Variants in ZNF536 observed in about 807,000 individuals in gnomAD.
ZNF536 encodes the protein zinc finger protein 536.
A neutral mutation model predicts 84.5 loss-of-function variants in ZNF536; 13 were observed. The ratio of observed to expected loss-of-function variants is 0.15; its 90% confidence interval spans 0.10 to 0.24. ZNF536 has a LOEUF of 0.24. ZNF536 is among the 10% of genes least tolerant of loss of function. The pLI, the probability that ZNF536 is intolerant of heterozygous loss-of-function variation, is 1.00. For synonymous variants in ZNF536, 811 were observed against 742.5 expected (o/e 1.09, Z -1.50); for missense variants, 1,536 against 1,747.5 (o/e 0.88, Z 2.16).
intron 1 of ZNF536, among the ~76,000 whole-genome samples, chr19:30,425,887 G>A (rs2051192679): frequency 6.6e-6 from 1 of 152,236 alleles, no homozygotes; most frequent in Admixed American, 6.5e-5. Context: ...GGATGTGAGT[G>A]TCCATGCAGG....
At chr19:30,227,593 C>T (rs1599797535), upstream of ZNF536, among the ~76,000 whole-genome samples, 1 of 151,884 alleles carries the variant, frequency 6.6e-6, no homozygotes, top group African/African-American at 2.4e-5. Context: ...CTGCGGGGCT[C>T]GGGCACCCGG....
chr19:30,388,261 G>A (rs373904081), intron 1 of ZNF536, among the ~76,000 whole-genome samples: 12 of 152,332 alleles, frequency 7.9e-5, no homozygotes, highest in Middle Eastern at 3.4e-3. Flanking sequence ...CAAAGTATCC[G>A]TATGGATTTC....
intron 1 of ZNF536, among the ~76,000 whole-genome samples, chr19:30,674,943 T>C (rs150506323): frequency 7.9e-5 from 12 of 152,246 alleles, no homozygotes; most frequent in Admixed American, 3.9e-4. Flanking sequence ...GCTCCACTGC[T>C]TACCTGCCCG....
intron 1 of ZNF536, among the ~76,000 whole-genome samples, chr19:30,664,377 C>T (rs980700849): frequency 1.6e-4 from 25 of 151,982 alleles, no homozygotes; most frequent in African/African-American, 3.9e-4. Context: ...GGCTGATGGA[C>T]GCTGATTTAG....
intron 1 of ZNF536, among the ~76,000 whole-genome samples, chr19:30,610,828 G>A (rs1335311426): frequency 6.6e-6 from 1 of 152,176 alleles, no homozygotes; most frequent in Non-Finnish European, 1.5e-5. Context: ...GCTGCTTCTA[G>A]CCATGAGAAG....
At chr19:30,240,263 C>T in intron 1 of ZNF536, among the ~76,000 whole-genome samples, 1 of 152,022 alleles carries the variant, frequency 6.6e-6, no homozygotes, top group Middle Eastern at 3.2e-3. Flanking sequence ...ATCCCAGCTA[C>T]TTGGGAGGCT....
intron 1 of ZNF536, among the ~76,000 whole-genome samples, chr19:30,683,522 A>T (rs1600254263): frequency 6.7e-6 from 1 of 150,166 alleles, no homozygotes; most frequent in African/African-American, 2.4e-5. Flanking sequence ...AGCCCACCTC[A>T]TCTGGGACTA....
intron 1 of ZNF536, among the ~76,000 whole-genome samples, chr19:30,570,187 C>T (rs2046494298): frequency 6.6e-6 from 1 of 152,232 alleles, no homozygotes; most frequent in South Asian, 2.1e-4. Flanking sequence ...GGTGACAAGG[C>T]AAGTGGCGTG....
intron 1 of ZNF536, among the ~76,000 whole-genome samples, chr19:30,415,576 G>C (rs1187141703): frequency 7.2e-6 from 1 of 139,308 alleles, no homozygotes; most frequent in African/African-American, 2.6e-5. Context: ...AAATCATCAT[G>C]ATCATCATCA....
chr19:30,326,623 C>T (rs965335846), intron 2 of ZNF536, among the ~76,000 whole-genome samples: 3 of 151,862 alleles, frequency 2.0e-5, no homozygotes, highest in Non-Finnish European at 2.9e-5. Context: ...GTATGTGAAG[C>T]GCCCAGCACA....
At chr19:30,515,477 T>A (rs1343218256) in intron 2 of ZNF536, among the ~76,000 whole-genome samples, 1 of 152,186 alleles carries the variant, frequency 6.6e-6, no homozygotes, top group Non-Finnish European at 1.5e-5. Flanking sequence ...GTGAAGCGCC[T>A]TCAGGATAAA....
At chr19:30,492,939 G>A (rs1345153052) in intron 2 of ZNF536, among the ~76,000 whole-genome samples, 1 of 152,084 alleles carries the variant, frequency 6.6e-6, no homozygotes, top group African/African-American at 2.4e-5. Context: ...ACATTTGCAA[G>A]ACACAAATAT....
At chr19:30,696,528 T>C (rs538913807) in intron 1 of ZNF536, among the ~76,000 whole-genome samples, 1 of 152,326 alleles carries the variant, frequency 6.6e-6, no homozygotes, top group Non-Finnish European at 1.5e-5. Flanking sequence ...AGGTCCCCGA[T>C]CAATAGTTGC....
At chr19:30,287,070 C>A (rs1012347158) in intron 2 of ZNF536, among the ~76,000 whole-genome samples, 1 of 152,178 alleles carries the variant, frequency 6.6e-6, no homozygotes, top group Non-Finnish European at 1.5e-5. Flanking sequence ...TCTCCTACTG[C>A]GACGTAAGAG....
At chr19:30,605,429 C>A (rs2047835792) in intron 1 of ZNF536, among the ~76,000 whole-genome samples, 1 of 152,096 alleles carries the variant, frequency 6.6e-6, no homozygotes, top group Admixed American at 6.5e-5. Flanking sequence ...TAACTGAGAA[C>A]ATACAGTATT....
At position 30,377,533 on chromosome 19, in the gene ZNF536, G is replaced by A. The variant is rs144723136; in HGVS notation, c.-3+4977G>A. On this transcript the variant is annotated intron_variant, in intron 1 of 4. Transcript: ENST00000355537. The stretch of plus-strand genomic sequence containing the variant: ...GAAAGTACGGCTACTCGTAGACAGA[G>A]TAGGGCGTTCAGGAAAGTAAGAAAA... Among the ~76,000 whole-genome samples, 162 of 152,270 alleles carry A rather than the reference G, an allele frequency of 1.1e-3. 1 individual carries two copies. The highest frequency in any genetic ancestry group is 2.4e-3 in the African/African-American group (101 of 41,562).
rs1302819109 is a variant in ZNF536, at chr19:30,624,715, C to T, written c.169+75201C>T. On this transcript the variant is annotated intron_variant, in intron 1 of 1. Coordinates refer to the ZNF536 transcript ENST00000592773. ...CCATCAGGGTGTGTCCTTGGAATAC[C>T]AGGTGATATGGTTTGGCTTTGTATC... is the stretch of plus-strand genomic sequence containing the variant. Among the ~76,000 whole-genome samples the T allele has an allele frequency of 2.0e-5, 3 of 152,110 alleles. No individual in the cohort carries two copies. The East Asian group carries it at 5.8e-4, about 29-fold the overall frequency.
intron 1 of ZNF536, among the ~76,000 whole-genome samples, chr19:30,671,570 G>A (rs755603363): frequency 1.4e-4 from 21 of 152,138 alleles, no homozygotes; most frequent in Non-Finnish European, 5.9e-5. Flanking sequence ...CGGGGCAGGG[G>A]TGGAGGCCCC....
In ZNF536 at chr19:30,421,638, C is replaced by T. The variant is rs559472971; in HGVS notation, c.-2-21923C>T. ...TCAGCCTCCCAAAGTACTGGGATTT[C>T]GGGCGTGAGCCACTGTCTCTGGCCC... On this transcript the variant is annotated intron_variant, in intron 1 of 4. Transcript: ENST00000355537. Among the ~76,000 whole-genome samples, 13 of 152,332 alleles carry T rather than the reference C, an allele frequency of 8.5e-5. No homozygotes were observed. In the South Asian group the frequency reaches 1.7e-3, roughly 19 times the overall value.
Sources: allele counts gnomAD v4.1 joint callset (sites outside exome capture counted in the v4.1 genomes callset), GRCh38; gene constraint gnomAD v4.1.1; transcripts MANE v1.5; gene names NCBI Gene and HGNC (gene_info 2026-07-23, HGNC 2026-07-21).